The following KIAA1217 variants were observed in gnomAD, a reference collection of about 807,000 sequenced individuals.
KIAA1217 encodes the protein sickle tail protein homolog.
A neutral mutation model predicts 163.9 loss-of-function variants in KIAA1217; 88 were observed. That is an observed-to-expected ratio of 0.54 (90% confidence interval 0.45 to 0.64). The LOEUF is 0.64. Ranked by LOEUF, KIAA1217 falls within the 30% of genes least tolerant of loss-of-function variation. KIAA1217 has a pLI of 0.00. For synonymous variants in KIAA1217, 903 were observed against 923.1 expected (o/e 0.98, Z 0.39); for missense variants, 2,372 against 2,475.0 (o/e 0.96, Z 0.88).
chr10:24,364,517 T>C (rs2050492709), intron 2 of KIAA1217, among the ~76,000 whole-genome samples: 1 of 152,154 alleles, frequency 6.6e-6, no homozygotes, highest in Admixed American at 6.5e-5. Flanking sequence ...TTATGTGTGA[T>C]TATAGGATCC....
intron 9 of KIAA1217, among the ~76,000 whole-genome samples, chr10:24,505,672 A>T (rs1438825285): frequency 2.0e-5 from 3 of 152,030 alleles, no homozygotes; most frequent in Non-Finnish European, 4.4e-5. Flanking sequence ...TACTTCTTTC[A>T]TCCCCAATCT....
chr10:24,100,806 C>G (rs1251084043), intron 2 of KIAA1217, among the ~76,000 whole-genome samples: 2 of 151,922 alleles, frequency 1.3e-5, no homozygotes, highest in African/African-American at 4.8e-5. Context: ...TATTTTCTTC[C>G]TTTTCATGTC....
intron 1 of KIAA1217, among the ~76,000 whole-genome samples, chr10:23,895,243 C>CT (rs1217694748): frequency 1.3e-5 from 2 of 152,138 alleles, no homozygotes; most frequent in Non-Finnish European, 2.9e-5. Context: ...AACTATTCAT[C>CT]TGACAAAGGG....
Position 24,182,823 on chromosome 10 carries a change from T to C in KIAA1217, c.-170-36803T>C, listed in dbSNP as rs142510157. Among the ~76,000 whole-genome samples, 270 of 152,256 alleles carry C rather than the reference T, an allele frequency of 1.8e-3. 1 individual carries two copies. The highest frequency in any genetic ancestry group is 6.3e-3 in the African/African-American group (262 of 41,546). ...TGTTTGGAGAGGGATTTTAGGAGAT[T>C]ATTTGCAAGAATCAGTTGGTCTTTG... On this transcript the variant is annotated intron_variant, in intron 2 of 18. Transcript: ENST00000376462.
intron 2 of KIAA1217, among the ~76,000 whole-genome samples, chr10:24,010,476 T>C (rs1847192908): frequency 7.4e-6 from 1 of 135,438 alleles, no homozygotes; most frequent in Non-Finnish European, 1.7e-5. Context: ...AACTGATCGA[T>C]CCTTTTTTTT....
intron 2 of KIAA1217, among the ~76,000 whole-genome samples, chr10:24,301,864 G>C (rs1459827792): frequency 1.3e-5 from 2 of 152,010 alleles, no homozygotes; most frequent in Non-Finnish European, 2.9e-5. Context: ...GGTCAATGTG[G>C]TGAAACCCTG....
intron 2 of KIAA1217, among the ~76,000 whole-genome samples, chr10:24,370,708 G>A (rs1017909672): frequency 3.9e-5 from 6 of 152,052 alleles, no homozygotes; most frequent in Non-Finnish European, 7.4e-5. Flanking sequence ...TCAGCCTCAC[G>A]AGTAGCTGGG....
chr10:23,980,969 C>T (rs1845743967), intron 1 of KIAA1217, among the ~76,000 whole-genome samples: 1 of 152,168 alleles, frequency 6.6e-6, no homozygotes, highest in South Asian at 2.1e-4. Flanking sequence ...GTTCATTTGT[C>T]TTCTCAACAT....
At chr10:24,038,622 G>A (rs1431459385) in intron 2 of KIAA1217, among the ~76,000 whole-genome samples, 1 of 152,178 alleles carries the variant, frequency 6.6e-6, no homozygotes, top group East Asian at 1.9e-4. Context: ...CACCTGGGAG[G>A]GCAGCCGAGG....
chr10:23,714,673 A>G (rs899923431), intron 1 of KIAA1217, among the ~76,000 whole-genome samples: 2 of 152,122 alleles, frequency 1.3e-5, no homozygotes, highest in Non-Finnish European at 2.9e-5. Flanking sequence ...CTGTTCCAAG[A>G]AGTCTTGAGG....
intron 2 of KIAA1217, among the ~76,000 whole-genome samples, chr10:24,031,947 A>G (rs1848204881): frequency 6.6e-6 from 1 of 152,166 alleles, no homozygotes; most frequent in African/African-American, 2.4e-5. Flanking sequence ...CATACTTCCC[A>G]CTGCCATTAA....
At chr10:24,040,914 A>G (rs994718381) in intron 2 of KIAA1217, among the ~76,000 whole-genome samples, 1 of 152,238 alleles carries the variant, frequency 6.6e-6, no homozygotes, top group Non-Finnish European at 1.5e-5. Flanking sequence ...GGAACTCTAC[A>G]TGGCAAAAAT....
Position 24,026,399 on chromosome 10 carries a change from G to A in KIAA1217, c.-171+19025G>A, listed in dbSNP as rs556081937. ...TTACCAATAAAGCCATCTCAGCCTG[G>A]AGCTTTCATCTTGGTTAGATTTTTA... On this transcript the variant is annotated intron_variant, in intron 2 of 18. Coordinates refer to the KIAA1217 transcript ENST00000376462. Among the ~76,000 whole-genome samples the A allele has an allele frequency of 2.0e-5, 3 of 151,820 alleles. No individual in the cohort carries two copies. The South Asian group carries it at 6.2e-4, about 32-fold the overall frequency.
At chr10:24,312,245 G>A (rs1025296579) in intron 2 of KIAA1217, among the ~76,000 whole-genome samples, 1 of 151,848 alleles carries the variant, frequency 6.6e-6, no homozygotes, top group Admixed American at 6.6e-5. Context: ...CACAGACATG[G>A]CCGGAAGCCT....
chr10:24,066,456 T>G (rs997403203), intron 2 of KIAA1217, among the ~76,000 whole-genome samples: 1 of 152,228 alleles, frequency 6.6e-6, no homozygotes, highest in African/African-American at 2.4e-5. Flanking sequence ...TCTTTAATAA[T>G]GTTGAATATT....
intron 3 of KIAA1217, among the ~76,000 whole-genome samples, chr10:24,398,665 T>C (rs2056148757): frequency 6.6e-6 from 1 of 152,086 alleles, no homozygotes; most frequent in African/African-American, 2.4e-5. Flanking sequence ...GTGTCCTTTT[T>C]CCCATGATTC....
At chr10:24,393,732 G>C (rs971175360) in intron 3 of KIAA1217, among the ~76,000 whole-genome samples, 1 of 152,214 alleles carries the variant, frequency 6.6e-6, no homozygotes, top group African/African-American at 2.4e-5. Context: ...GACGTGTACA[G>C]AGAGAAGACC....
intron 1 of KIAA1217, among the ~76,000 whole-genome samples, chr10:23,725,430 A>G (rs1216023932): frequency 6.6e-6 from 1 of 152,218 alleles, no homozygotes; most frequent in Non-Finnish European, 1.5e-5. Flanking sequence ...ACCATGACCT[A>G]TGTCTTGAAT....
At chr10:24,091,575 C>T (rs2061939446) in intron 2 of KIAA1217, among the ~76,000 whole-genome samples, 1 of 151,886 alleles carries the variant, frequency 6.6e-6, no homozygotes, top group Admixed American at 6.5e-5. Flanking sequence ...GCTGCTTGTC[C>T]CCAACTCCTG....
Sources: allele counts gnomAD v4.1 joint callset (sites outside exome capture counted in the v4.1 genomes callset), GRCh38; gene constraint gnomAD v4.1.1; transcripts MANE v1.5; gene names NCBI Gene and HGNC (gene_info 2026-07-23, HGNC 2026-07-21).